The following PRRC2C variants were observed in gnomAD, a reference collection of about 807,000 sequenced individuals.
The protein encoded by PRRC2C is proline rich coiled-coil 2C.
A neutral mutation model predicts 317.2 loss-of-function variants in PRRC2C; 72 were observed. The observed-to-expected ratio is 0.23, with a 90% CI of 0.19 to 0.28. The LOEUF is 0.28. Ranked by LOEUF, PRRC2C falls within the 10% of genes least tolerant of loss-of-function variation. The pLI is 1.00. For missense variants in PRRC2C, 3,074 were observed against 3,459.7 expected, an observed-to-expected ratio of 0.89 and a Z score of 2.80; for synonymous variants, 1,296 against 1,205.9, an observed-to-expected ratio of 1.07 and a Z score of -1.55.
intron 6 of PRRC2C, among the ~76,000 whole-genome samples, chr1:171,518,483 A>AT (rs1324754369): frequency 1.8e-4 from 20 of 114,250 alleles, no homozygotes; most frequent in Admixed American, 6.9e-4. Context: ...TTTTTTTTCA[A>AT]TTTTTTTTCA....
At position 171,591,579 on chromosome 1, in the gene PRRC2C, T is replaced by A; in HGVS notation, c.8437-8T>A. On this transcript the variant is annotated splice_region_variant and splice_polypyrimidine_tract_variant and intron_variant, in intron 34 of 34. Transcript: ENST00000647382. ...AGTATTTTCAGTTGTTCTTTCTCAT[T>A]TTTTAAGGCAAAGCAGAGAGCAGAG... The A allele has an allele frequency of 6.2e-7, 1 of 1,607,188 alleles. No individual in the cohort carries two copies. The highest frequency in any genetic ancestry group is 8.5e-7 in the Non-Finnish European group (1 of 1,175,224).
rs764701010 is a variant in PRRC2C at position 171,540,943 on chromosome 1, A to G, written c.3477A>G (p.Pro1159=). ...AGAGGCCTCGACCAGATTCAAGACC[A>G]GCAGTTAAAAAAGAATCAACTTTGC... The part of the protein sequence containing the change: ...VIERPRPDSR[P]AVKKESTLPP... Residue 1159 remains proline, a synonymous_variant, in exon 16 of 35, where the codon CCA becomes CCG. Coordinates refer to ENST00000647382, the MANE Select transcript of PRRC2C (RefSeq NM_001387844.1). The G allele has an allele frequency of 1.2e-6, 2 of 1,613,876 alleles. No homozygotes were observed. The highest frequency in any genetic ancestry group is 1.7e-6 in the Non-Finnish European group (2 of 1,179,888).
rs200025753 is a variant in PRRC2C, at chr1:171,588,453, C to T, written c.8147C>T (p.Ala2716Val). Residue 2716 changes from alanine to valine, a missense_variant, in exon 33 of 35, where the codon GCC becomes GTC. Ala to Val is a moderately conservative substitution (Grantham distance 64). This residue lies in a region of PRRC2C where 490 missense variants were observed against 663.1 expected (regional missense o/e 0.74). Transcript: ENST00000647382. ...SIVYQKQFQS[A>V]PATVRMTQPF... ...GTCTACCAGAAGCAGTTCCAGTCAG[C>T]CCCTGCCACTGTGAGAATGACACAA... is the stretch of plus-strand genomic sequence containing the variant. 303 of 1,613,640 alleles carry T rather than the reference C, an allele frequency of 1.9e-4. 1 individual carries two copies. The highest frequency in any genetic ancestry group is 4.0e-4 in the Admixed American group (24 of 59,966).
rs771641931 is a variant in PRRC2C at position 171,566,342 on chromosome 1, A to T, written c.6227A>T (p.Glu2076Val). ...NENEVVPVLS[E>V]KSADKIPEPK... The stretch of plus-strand genomic sequence containing the variant: ...AATGAAGTTGTTCCTGTGCTTTCGG[A>T]AAAATCTGCTGACAAAATACCTGAA... Residue 2076 changes from glutamate to valine, a missense_variant, in exon 21 of 35, where the codon GAA becomes GTA. Around this residue, in one of 11 missense-constraint regions of PRRC2C, gnomAD observed 640 missense variants for 676.1 expected, o/e 0.95. Transcript: ENST00000647382. 6.2e-7 allele frequency: 1 copy of T among 1,600,760 alleles called. No homozygotes were observed. The highest frequency in any genetic ancestry group is 1.7e-5 in the Admixed American group (1 of 57,968).
At position 171,579,603 on chromosome 1, in the gene PRRC2C, T is replaced by A. The variant is rs1250354601; in HGVS notation, c.7272+137T>A. The A allele has an allele frequency of 3.5e-6, 5 of 1,414,308 alleles. No individual in the cohort carries two copies. In the East Asian group the frequency reaches 1.0e-4, roughly 28 times the overall value. 87.6% of individuals were successfully genotyped at this position (1,414,308 alleles called of 1,614,324 possible). On this transcript the variant is annotated intron_variant, in intron 27 of 34. Transcript: ENST00000647382. Reference sequence around the variant, plus strand: ...TAGCTTGATATTCTATAAGCAAAATTTAAAATTTTTCCCAAATTTACCAAA... The same window carrying A: ...TAGCTTGATATTCTATAAGCAAAATATAAAATTTTTCCCAAATTTACCAAA...
intron 1 of PRRC2C, among the ~76,000 whole-genome samples, chr1:171,491,809 T>G (rs1667210865): frequency 6.6e-6 from 1 of 152,194 alleles, no homozygotes; most frequent in African/African-American, 2.4e-5. Flanking sequence ...AAACAATACT[T>G]AACACAATTT....
intron 10 of PRRC2C, among the ~76,000 whole-genome samples, chr1:171,527,058 G>A (rs998373184): frequency 2.5e-4 from 38 of 151,382 alleles, no homozygotes; most frequent in African/African-American, 6.8e-4. Flanking sequence ...CGCCTGCCTC[G>A]GCCTCCCGAA....
chr1:171,531,854 C>T (rs1675951122), intron 11 of PRRC2C, among the ~76,000 whole-genome samples: 1 of 152,188 alleles, frequency 6.6e-6, no homozygotes, highest in Non-Finnish European at 1.5e-5. Flanking sequence ...ACAGCACTGA[C>T]TCTGTCTTTT....
At chr1:171,527,350 C>G (rs1271149989) in intron 10 of PRRC2C, among the ~76,000 whole-genome samples, 5 of 148,230 alleles carry the variant, frequency 3.4e-5, no homozygotes, top group Non-Finnish European at 6.0e-5. Flanking sequence ...CCAGGCTGGT[C>G]TTGAACTCCT....
chr1:171,526,984 T>A (rs1674709185), intron 10 of PRRC2C, among the ~76,000 whole-genome samples: 1 of 151,298 alleles, frequency 6.6e-6, no homozygotes, highest in Admixed American at 6.6e-5. Flanking sequence ...AATTTTTGTA[T>A]CTTTAGTAGA....
intron 22 of PRRC2C, 79 bp from the exon 23 acceptor site, chr1:171,568,168 G>C: frequency 1.4e-6 from 2 of 1,469,920 alleles, no homozygotes; most frequent in Non-Finnish European, 1.8e-6. Flanking sequence ...CTGCATGATA[G>C]CGAGACTCAA....
intron 30 of PRRC2C, among the ~76,000 whole-genome samples, 152 bp from the exon 31 acceptor site, chr1:171,586,851 G>A (rs1045453670): frequency 1.3e-5 from 2 of 151,954 alleles, no homozygotes; most frequent in Non-Finnish European, 2.9e-5. Context: ...CTTCCAAAGT[G>A]CTGGGATTAC....
rs1412859773 is a variant in PRRC2C, at chr1:171,577,634, G to T, written c.7156G>T (p.Ala2386Ser). Residue 2386 changes from alanine to serine, a missense_variant, in exon 26 of 35, where the codon GCA becomes TCA. Ala to Ser is a moderately conservative substitution (Grantham distance 99). Coordinates refer to ENST00000647382, the MANE Select transcript of PRRC2C (RefSeq NM_001387844.1). ...NPQVYVSQSA[A>S]AQIPAFYMDT... ...GCAAGTTTATGTGTCTCAGTCTGCA[G>T]CAGGTAATGTTTTTAGGCTTGAATA... The T allele has an allele frequency of 1.2e-6, 2 of 1,611,184 alleles. No individual in the cohort carries two copies. The highest frequency in any genetic ancestry group is 1.1e-5 in the South Asian group (1 of 91,018).
At chr1:171,516,228 T>C (rs1313287685) in intron 5 of PRRC2C, among the ~76,000 whole-genome samples, 2 of 152,248 alleles carry the variant, frequency 1.3e-5, no homozygotes, top group Non-Finnish European at 2.9e-5. Flanking sequence ...TTCCTCACTT[T>C]CTGAGCTCAA....
At chr1:171,577,753 G>T in intron 26 of PRRC2C, 116 bp downstream of exon 26, 589 of 639,928 alleles carry the variant, frequency 9.2e-4, no homozygotes, top group Non-Finnish European at 1.3e-3. Flanking sequence ...GTACATTGCT[G>T]TAAATATTTA....
In PRRC2C at chr1:171,541,394, GA is replaced by G; in HGVS notation, c.3929del (p.Asp1310ValfsTer6). The G allele has an allele frequency of 6.2e-7, 1 of 1,613,446 alleles. No individual in the cohort carries two copies. The highest frequency in any genetic ancestry group is 8.5e-7 in the Non-Finnish European group (1 of 1,179,764). ...PVKPHSSFKPDNHVRIDNRLL... is the reference protein window; with the variant it reads ...PVKPHSSFKPXNHVRIDNRLL... The stretch of plus-strand genomic sequence containing the variant: ...AAAGCCTCATTCTTCTTTCAAGCCT[GA>G]TAATCATGTTCGAATAGATAATAGA... On this transcript the variant is annotated frameshift_variant, in exon 16 of 35. Transcript: ENST00000647382. LOFTEE classifies it high-confidence loss of function. The surrounding 1 kb of genome is among the most constrained non-coding windows in gnomAD (Gnocchi z 4.1).
At chr1:171,503,251 T>C (rs4916230) in intron 1 of PRRC2C, among the ~76,000 whole-genome samples, 122,824 of 152,036 alleles carry the variant, frequency 0.81, 49,737 homozygotes, top group Middle Eastern at 0.9. Context: ...AGGCCGGGTG[T>C]GGTGGCTCAC....
intron 19 of PRRC2C, among the ~76,000 whole-genome samples, chr1:171,559,863 A>AG (rs1491136081): frequency 6.6e-6 from 1 of 152,114 alleles, no homozygotes; most frequent in Non-Finnish European, 1.5e-5. Context: ...CCTACTGCTC[A>AG]GGGGGAAAAA....
intron 19 of PRRC2C, among the ~76,000 whole-genome samples, chr1:171,560,779 G>A (rs147541568): frequency 3.0e-4 from 45 of 152,260 alleles, no homozygotes; most frequent in African/African-American, 1.0e-3. Flanking sequence ...AAATTAGTGT[G>A]ATTTGCTTTA....
Sources: allele counts gnomAD v4.1 joint callset (sites outside exome capture counted in the v4.1 genomes callset), GRCh38; gene constraint gnomAD v4.1.1; regional missense constraint gnomAD v4.1.1; non-coding constraint Gnocchi (gnomAD v3.1); transcripts MANE v1.5; gene names NCBI Gene and HGNC (gene_info 2026-07-23, HGNC 2026-07-21).